TICAM1: variants seen among roughly 807,000 people sequenced by gnomAD.
TICAM1 encodes TIR domain-containing adapter molecule 1.
For missense variants in TICAM1, 895 were observed against 938.2 expected (o/e 0.95, Z 0.60); for synonymous variants, 439 against 415.4 (o/e 1.06, Z -0.69).
rs1600052306 is a variant in TICAM1 at position 4,816,383 on chromosome 19, C to T, written c.1995G>A (p.Thr665=). The T allele has an allele frequency of 3.2e-6, 5 of 1,586,186 alleles. No homozygotes were observed. The highest frequency in any genetic ancestry group is 3.4e-4 in the Middle Eastern group (2 of 5,840). ...GGCTCTGAGGGGGTGCGGGTGAGGC[C>T]GTAGGGAAGGCTGGGGACTGCGGGA... ...LPFPQSPAFP[T]ASPAPPQSPG... is the part of the protein sequence containing the mutation. Residue 665 remains threonine (T), a synonymous_variant, in exon 2 of 2, where the codon ACG becomes ACA. Coordinates refer to ENST00000248244, the MANE Select transcript of TICAM1 (RefSeq NM_182919.4). The surrounding 1 kb of genome is among the most constrained non-coding windows in gnomAD (Gnocchi z 4.3).
chr19:4,818,458 C>T lies in TICAM1; in HGVS notation c.-81G>A, dbSNP rs2093591820. On this transcript the variant is annotated 5_prime_UTR_variant, in exon 2 of 2. It adds an upstream start codon to the 5' untranslated region. Transcript: ENST00000248244. This position sits in a 1 kb window ranked among gnomAD's most constrained non-coding sequence, Gnocchi z 4.0. ...TCCACACTGCCCCCCGCCTTCTGCACGCCCAGTGTCCCCTACCCATTCACT... is the reference window on the plus strand; with the variant it reads ...TCCACACTGCCCCCCGCCTTCTGCATGCCCAGTGTCCCCTACCCATTCACT... 4 of 1,472,458 alleles carry T rather than the reference C, an allele frequency of 2.7e-6. No homozygotes were observed. Among genetic ancestry groups the T allele is most frequent in the Non-Finnish European group, 3.6e-6 (4 of 1,112,282 alleles). 91.2% of individuals were successfully genotyped at this position (1,472,458 alleles called of 1,614,324 possible).
rs144528835 is a variant in TICAM1 at position 4,820,188 on chromosome 19, A to G, written c.-139-1672T>C. Among the ~76,000 whole-genome samples the G allele has an allele frequency of 8.3e-3, 1,262 of 152,202 alleles. 10 individuals are homozygous for G. The highest frequency in any genetic ancestry group is 0.02 in the South Asian group (96 of 4,820). On this transcript the variant is annotated intron_variant, in intron 1 of 1. Transcript: ENST00000248244. The stretch of plus-strand genomic sequence containing the variant: ...ATAATCCCAGCACTTTGGGAGGCTG[A>G]GGCGGGCAAATCACGAGATCAGGAG...
chr19:4,821,527 A>AC (rs1378088220), intron 1 of TICAM1, among the ~76,000 whole-genome samples: 2 of 150,432 alleles, frequency 1.3e-5, no homozygotes, highest in Non-Finnish European at 3.0e-5. Flanking sequence ...TATCTCTGTT[A>AC]CCCCCCAGAT....
chr19:4,828,777 A>T (rs889894036), intron 1 of TICAM1, among the ~76,000 whole-genome samples: 5 of 146,190 alleles, frequency 3.4e-5, no homozygotes, highest in Non-Finnish European at 7.5e-5. Context: ...ATCTCGGCTC[A>T]CTGCAACCTC....
In TICAM1 at chr19:4,818,456, C is replaced by T; in HGVS notation, c.-79G>A. 1 of 1,476,020 alleles carries T rather than the reference C, an allele frequency of 6.8e-7. No homozygotes were observed. The highest frequency in any genetic ancestry group is 9.0e-7 in the Non-Finnish European group (1 of 1,114,218). 91.4% of individuals were successfully genotyped at this position (1,476,020 alleles called of 1,614,324 possible). ...GTTCCACACTGCCCCCCGCCTTCTG[C>T]ACGCCCAGTGTCCCCTACCCATTCA... On this transcript the variant is annotated 5_prime_UTR_variant, in exon 2 of 2. Coordinates refer to ENST00000248244, the MANE Select transcript of TICAM1 (RefSeq NM_182919.4). This position sits in a 1 kb window ranked among gnomAD's most constrained non-coding sequence, Gnocchi z 4.0.
Position 4,818,164 on chromosome 19 carries a change from G to T in TICAM1, c.214C>A (p.Leu72Met). The T allele has an allele frequency of 6.2e-7, 1 of 1,609,542 alleles. No individual in the cohort carries two copies. The change falls in exon 2 of 2, where the codon CTG (leucine) becomes ATG (methionine). Residue 72 changes from leucine to methionine, a missense_variant. By Grantham distance (15) the Leu-to-Met change is conservative (BLOSUM62 2). Transcript: ENST00000248244. The surrounding 1 kb of genome is among the most constrained non-coding windows in gnomAD (Gnocchi z 4.0). ...ACGCCAGCCCACTGGCGGGCCACCA[G>T]CCGGGCCACCGCATCGGCCTTCAAT... ...EALKADAVAR[L>M]VARQWAGVDS...
At position 4,816,773 on chromosome 19, in the gene TICAM1, G is replaced by A. The variant is rs746799783; in HGVS notation, c.1605C>T (p.Ala535=). Residue 535 remains alanine (A), a synonymous_variant, in exon 2 of 2, where the codon GCC becomes GCT. Coordinates refer to ENST00000248244, the MANE Select transcript of TICAM1 (RefSeq NM_182919.4). This position sits in a 1 kb window ranked among gnomAD's most constrained non-coding sequence, Gnocchi z 4.3. ...GTTCCTTCCTCCACATGGCCTTTCG[G>A]GCCTGAAGCCTGTGGGGCTTGAAGG... is the stretch of plus-strand genomic sequence containing the variant. ...ANTFKPHRLQ[A]RKAMWRKEQD... The A allele has an allele frequency of 6.2e-7, 1 of 1,613,580 alleles. No homozygotes were observed.
At position 4,816,797 on chromosome 19, in the gene TICAM1, G is replaced by T. The variant is rs772749430; in HGVS notation, c.1581C>A (p.Thr527=). The T allele has an allele frequency of 6.2e-7, 1 of 1,613,194 alleles. No individual in the cohort carries two copies. The highest frequency in any genetic ancestry group is 8.5e-7 in the Non-Finnish European group (1 of 1,180,042). ...SQIFARKVAN[T]FKPHRLQARK... is the part of the protein sequence containing the mutation. ...GGGCCTGAAGCCTGTGGGGCTTGAA[G>T]GTGTTGGCCACCTTCCTGGCGAAGA... Residue 527 remains threonine, a synonymous_variant, in exon 2 of 2, where the codon ACC becomes ACA. Transcript: ENST00000248244. This position sits in a 1 kb window ranked among gnomAD's most constrained non-coding sequence, Gnocchi z 4.3.
chr19:4,821,123 G>A (rs1368387506), intron 1 of TICAM1, among the ~76,000 whole-genome samples: 1 of 151,136 alleles, frequency 6.6e-6, no homozygotes, highest in African/African-American at 2.4e-5. Context: ...TTGAACCCAA[G>A]AGGCGGAGGT....
At chr19:4,826,835 T>C (rs1015996382) in intron 1 of TICAM1, among the ~76,000 whole-genome samples, 4 of 152,060 alleles carry the variant, frequency 2.6e-5, no homozygotes, top group Non-Finnish European at 5.9e-5. Flanking sequence ...TTGGCTCCTT[T>C]TAACATTTTC....
At chr19:4,820,675 C>T (rs1353696628) in intron 1 of TICAM1, among the ~76,000 whole-genome samples, 2 of 150,818 alleles carry the variant, frequency 1.3e-5, no homozygotes, top group Non-Finnish European at 3.0e-5. Flanking sequence ...CCAGCCTGGC[C>T]AACATGGTGA....
Position 4,816,360 on chromosome 19 carries a change from C to A in TICAM1, c.2018G>T (p.Ser673Ile). 1 of 1,588,448 alleles carries A rather than the reference C, an allele frequency of 6.3e-7. No individual in the cohort carries two copies. Among genetic ancestry groups the A allele is most frequent in the Middle Eastern group, 1.7e-4 (1 of 5,876 alleles). ...GATAATGAGGGGTTGCAGCCCTGGG[C>A]TCTGAGGGGGTGCGGGTGAGGCCGT... ...FPTASPAPPQ[S>I]PGLQPLIIHH... The change falls in exon 2 of 2, where the codon AGC (serine) becomes ATC (isoleucine). Residue 673 changes from serine (S) to isoleucine (I), a missense_variant. Transcript: ENST00000248244. The surrounding 1 kb of genome is among the most constrained non-coding windows in gnomAD (Gnocchi z 4.3).
At chr19:4,827,358 T>G (rs1599147848) in intron 1 of TICAM1, among the ~76,000 whole-genome samples, 1 of 76,530 alleles carries the variant, frequency 1.3e-5, no homozygotes, top group African/African-American at 5.3e-5. Context: ...GCTACAAGAG[T>G]GAAACTCTGT....
intron 1 of TICAM1, among the ~76,000 whole-genome samples, chr19:4,821,219 TC>T (rs923584925): frequency 2.6e-5 from 4 of 151,844 alleles, no homozygotes; most frequent in African/African-American, 9.7e-5. Context: ...AGTAATTTTT[TC>T]AGCATCTGCC....
chr19:4,831,140 TC>T (rs1331512685), intron 1 of TICAM1, among the ~76,000 whole-genome samples: 1 of 149,384 alleles, frequency 6.7e-6, no homozygotes, highest in East Asian at 2.0e-4. Context: ...CAGAGAGGGG[TC>T]CTGGGTGTCA....
chr19:4,827,620 T>G (rs2093607788), intron 1 of TICAM1, among the ~76,000 whole-genome samples: 1 of 151,366 alleles, frequency 6.6e-6, no homozygotes, highest in East Asian at 2.0e-4. Flanking sequence ...TAGCCAGGTG[T>G]GGTGGCGGGC....
At chr19:4,827,207 C>T (rs147833731) in intron 1 of TICAM1, among the ~76,000 whole-genome samples, 3,017 of 150,486 alleles carry the variant, frequency 0.02, 105 homozygotes, top group African/African-American at 0.069. Flanking sequence ...AAAAATTAGC[C>T]GGGCATGGTG....
chr19:4,821,808 T>C (rs1408991781), intron 1 of TICAM1, among the ~76,000 whole-genome samples: 19 of 142,716 alleles, frequency 1.3e-4, no homozygotes, highest in Middle Eastern at 4.0e-3. Context: ...CCATGCCTGG[T>C]TAATTTTGTA....
chr19:4,821,862 T>G (rs1312086015), intron 1 of TICAM1, among the ~76,000 whole-genome samples: 1 of 151,782 alleles, frequency 6.6e-6, no homozygotes, highest in Non-Finnish European at 1.5e-5. Context: ...CAGGCTGGTC[T>G]TGAACTCCCA....
Sources: gnomAD v4.1 joint callset for allele counts (sites outside exome capture counted in the v4.1 genomes callset) on GRCh38, gnomAD v4.1.1 for gene constraint, Gnocchi (gnomAD v3.1) non-coding constraint, MANE v1.5 for transcripts, NCBI Gene and HGNC (gene_info 2026-07-23, HGNC 2026-07-21) for gene names.